Variants in KNOP1 observed in about 807,000 individuals in gnomAD.
The protein encoded by KNOP1 is lysine rich nucleolar protein 1.
In KNOP1, 20 loss-of-function variants were observed where a neutral mutation model predicts 30.6. The observed-to-expected ratio is 0.65, with a 90% CI of 0.46 to 0.95. The LOEUF is 0.95. Ranked by LOEUF, KNOP1 falls within the 40% of genes least tolerant of loss-of-function variation. The pLI is 0.00. For missense variants in KNOP1, 540 were observed against 562.0 expected (o/e 0.96, Z 0.40); for synonymous variants, 204 against 210.0 (o/e 0.97, Z 0.25).
In KNOP1 at chr16:19,714,767, G is replaced by A; in HGVS notation, c.269C>T (p.Ala90Val). 3 of 1,614,180 alleles carry A rather than the reference G, an allele frequency of 1.9e-6. 1 individual carries two copies. The highest frequency in any genetic ancestry group is 2.2e-5 in the South Asian group (2 of 91,074). Residue 90 changes from alanine (A) to valine (V), a missense_variant, in exon 2 of 5, where the codon GCT (alanine) becomes GTT (valine). By Grantham distance (64) the Ala-to-Val change is moderately conservative. Transcript: ENST00000219837. Reference protein sequence around the residue: ...EHVEPETTLPARRTEKSPSLR... With the variant: ...EHVEPETTLPVRRTEKSPSLR... ...GCTGGGTGACTTCTCTGTCCGTCTA[G>A]CAGGCAGCGTGGTCTCAGGTTCTAC...
At position 19,704,392 on chromosome 16, in the gene KNOP1, AC is replaced by A. The variant is rs1976279445; in HGVS notation, c.*2517del. ...GAGTCACCGCACCTGGCAGAGCACA[AC>A]CTTTTTAACAGAGCTAAGGCAGGCC... On this transcript the variant is annotated 3_prime_UTR_variant, in exon 5 of 5. Coordinates refer to ENST00000219837, the MANE Select transcript of KNOP1 (RefSeq NM_001012991.3). 1 of 152,186 alleles carries A rather than the reference AC, an allele frequency of 6.6e-6. No homozygotes were observed. The highest frequency in any genetic ancestry group is 6.5e-5 in the Admixed American group (1 of 15,272). 9.4% of individuals were successfully genotyped at this position (152,186 alleles called of 1,614,324 possible). A position where few individuals can be genotyped will look rare whatever the true frequency, so the allele number is the denominator to read the frequency against.
Position 19,714,174 on chromosome 16 carries a change from T to C in KNOP1, c.862A>G (p.Arg288Gly). The C allele has an allele frequency of 6.2e-7, 1 of 1,613,686 alleles. No individual in the cohort carries two copies. The highest frequency in any genetic ancestry group is 8.5e-7 in the Non-Finnish European group (1 of 1,179,962). The change falls in exon 2 of 5, where the codon AGG becomes GGG. Residue 288 changes from arginine (R) to glycine (G), a missense_variant. Arg to Gly is a moderately radical substitution (Grantham distance 125). Transcript: ENST00000219837. ...TCTTTCCTCTTCTTCTTTTTCTTCC[T>C]TTTCAGAGCTGGCTCCTCGATGACT... The part of the protein sequence containing the change: ...QPVIEEPALK[R>G]KKKKKRKESG...
At chr16:19,718,043 G>A (rs1012216180) in intron 1 of KNOP1, 115 bp downstream of exon 1, 2 of 1,397,424 alleles carry the variant, frequency 1.4e-6, no homozygotes, top group Non-Finnish European at 1.9e-6. Flanking sequence ...GACTGGAGGG[G>A]TCGGATTCAG....
rs754241226 is a variant in KNOP1 at position 19,710,496 on chromosome 16, G to A, written c.1065+13C>T. The A allele has an allele frequency of 2.5e-6, 4 of 1,613,078 alleles. No homozygotes were observed. In the Admixed American group the frequency reaches 6.7e-5, roughly 27 times the overall value. On this transcript the variant is annotated intron_variant, in intron 4 of 4. Transcript: ENST00000219837. ...CGTGCCACCTCCTCGCAGAGCCCTAGCCCCAAACTTACCGTCCACTTCCTG... is the reference window on the plus strand; with the variant it reads ...CGTGCCACCTCCTCGCAGAGCCCTAACCCCAAACTTACCGTCCACTTCCTG...
intron 3 of KNOP1, 149 bp from the exon 4 acceptor site, chr16:19,710,735 T>TA: frequency 1.5e-6 from 1 of 674,820 alleles, no homozygotes; most frequent in South Asian, 1.7e-5. Context: ...GCTGCTATCA[T>TA]AAGTATTCTC....
At chr16:19,712,280 T>C (rs537212130) in intron 2 of KNOP1, among the ~76,000 whole-genome samples, 130 of 152,078 alleles carry the variant, frequency 8.5e-4, no homozygotes, top group Non-Finnish European at 1.4e-3. Flanking sequence ...GCTGGGAAAA[T>C]CCTAGCAACC....
rs1976397386 is a variant in KNOP1 at position 19,707,012 on chromosome 16, G to A, written c.1275C>T (p.Ser425=). The A allele has an allele frequency of 6.2e-7, 1 of 1,614,034 alleles. No individual in the cohort carries two copies. The highest frequency in any genetic ancestry group is 1.3e-5 in the African/African-American group (1 of 74,948). The change falls in exon 5 of 5, where the codon AGC becomes AGT. Residue 425 remains serine, a synonymous_variant. Transcript: ENST00000219837. ...NLQRDYDRAM[S]WKYSRGAGLG... The stretch of plus-strand genomic sequence containing the variant: ...GGCCGGCTCCCCGGCTGTACTTCCA[G>A]CTCATGGCCCGGTCGTAGTCCCGCT...
intron 4 of KNOP1, among the ~76,000 whole-genome samples, chr16:19,707,473 G>T (rs566649354): frequency 6.6e-6 from 1 of 151,940 alleles, no homozygotes; most frequent in African/African-American, 2.4e-5. Context: ...AACCTAACTA[G>T]TGACCCCCAG....
chr16:19,715,472 T>C (rs1260255526), intron 1 of KNOP1: 1 of 150,296 alleles, frequency 6.7e-6, no homozygotes, highest in Non-Finnish European at 1.5e-5. Flanking sequence ...TGGAATGCAG[T>C]GGCGTGATCT....
chr16:19,717,279 A>T (rs1460320452), intron 1 of KNOP1: 1 of 978,836 alleles, frequency 1.0e-6, no homozygotes, highest in African/African-American at 1.8e-5. Context: ...ATAATGGGGG[A>T]GGGGGACTAT....
In KNOP1 at chr16:19,711,356, A is replaced by G. The variant is rs1976710386; in HGVS notation, c.987+16T>C. The G allele has an allele frequency of 6.2e-7, 1 of 1,613,386 alleles. No individual in the cohort carries two copies. The highest frequency in any genetic ancestry group is 1.7e-5 in the Admixed American group (1 of 60,024). On this transcript the variant is annotated intron_variant, in intron 3 of 4. Coordinates refer to ENST00000219837, the MANE Select transcript of KNOP1 (RefSeq NM_001012991.3). ...AGGAGGCAGCGGGAGGGGCCTGAGG[A>G]GGGTCTGGGCTGTACCTGGTCTATG...
rs1201793022 is a variant in KNOP1 at position 19,707,213 on chromosome 16, C to G, written c.1074G>C (p.Gln358His). 3 of 1,612,008 alleles carry G rather than the reference C, an allele frequency of 1.9e-6. No homozygotes were observed. In the South Asian group the frequency reaches 3.3e-5, roughly 18 times the overall value. ...ASETRKWTGT[Q>H]FGQWDTAGFE... Reference sequence around the variant, plus strand: ...AACCAGCAGTATCCCACTGGCCAAACTGGGTTCCCTGTGAGGAGAGGAAAA... The same window carrying G: ...AACCAGCAGTATCCCACTGGCCAAAGTGGGTTCCCTGTGAGGAGAGGAAAA... The change falls in exon 5 of 5, where the codon CAG becomes CAC. Residue 358 changes from glutamine to histidine, a missense_variant. By Grantham distance (24) the Gln-to-His change is conservative. Transcript: ENST00000219837.
rs887909403 is a variant in KNOP1, at chr16:19,703,565, T to G, written c.*3345A>C. 3.4e-5 allele frequency: 5 copies of G among 146,936 alleles called. No individual in the cohort carries two copies. The highest frequency in any genetic ancestry group is 9.9e-5 in the African/African-American group (4 of 40,226). The allele number at this position is 146,936 out of a possible 1,614,324, so 9.1% of individuals were successfully genotyped here. A position where few individuals can be genotyped will look rare whatever the true frequency, so the allele number is the denominator to read the frequency against. ...TGAGGACTGTGTCTATTTGGCAAAT[T>G]TTTTTTTTTTTTTGGAATGGGGTCT... On this transcript the variant is annotated 3_prime_UTR_variant, in exon 5 of 5. Transcript: ENST00000219837.
intron 1 of KNOP1, chr16:19,717,934 A>T: frequency 5.1e-6 from 6 of 1,168,164 alleles, no homozygotes; most frequent in Non-Finnish European, 6.4e-6. Flanking sequence ...AAGCCTCCGC[A>T]TCAACAGACT....
chr16:19,717,372 G>C (rs560768563), intron 1 of KNOP1: 6 of 985,146 alleles, frequency 6.1e-6, no homozygotes, highest in African/African-American at 1.7e-5. Context: ...GTAGTCAGGA[G>C]AGCCAAGACG....
chr16:19,706,967 G>A lies in KNOP1; in HGVS notation c.1320C>T (p.Pro440=). The A allele has an allele frequency of 6.2e-7, 1 of 1,613,558 alleles. No homozygotes were observed. Among genetic ancestry groups the A allele is most frequent in the Non-Finnish European group, 8.5e-7 (1 of 1,180,024 alleles). Residue 440 remains proline (P), a synonymous_variant, in exon 5 of 5, where the codon CCC becomes CCT. Transcript: ENST00000219837. ...RGAGLGFSTA[P]NKIFYIDRNA... ...TCCTGTCAATGTAAAAGATCTTGTTGGGGGCGGTGGAGAAGCCGAGGCCGG... is the reference window on the plus strand; with the variant it reads ...TCCTGTCAATGTAAAAGATCTTGTTAGGGGCGGTGGAGAAGCCGAGGCCGG...
intron 3 of KNOP1, among the ~76,000 whole-genome samples, chr16:19,710,890 G>A (rs1976678538): frequency 6.7e-6 from 1 of 148,466 alleles, no homozygotes; most frequent in South Asian, 2.2e-4. Flanking sequence ...CCAGCCTGGG[G>A]GACAGAGTGA....
At position 19,704,915 on chromosome 16, in the gene KNOP1, G is replaced by A. The variant is rs368692585; in HGVS notation, c.*1995C>T. Reference sequence around the variant, plus strand: ...GCCAGGGAAACTGCCTGAAGTGCCTGCCTCACCTCTGCCCAATGGGCAGCT... The same window carrying A: ...GCCAGGGAAACTGCCTGAAGTGCCTACCTCACCTCTGCCCAATGGGCAGCT... On this transcript the variant is annotated 3_prime_UTR_variant, in exon 5 of 5. Transcript: ENST00000219837. 4.8e-5 allele frequency: 14 copies of A among 294,184 alleles called. No homozygotes were observed. The East Asian group carries it at 1.0e-3, about 21-fold the overall frequency. The allele number at this position is 294,184 out of a possible 1,614,324, so 18.2% of individuals were successfully genotyped here. A position where few individuals can be genotyped will look rare whatever the true frequency, so the allele number is the denominator to read the frequency against.
At chr16:19,717,954 T>C in intron 1 of KNOP1, 1 of 1,234,360 alleles carries the variant, frequency 8.1e-7, no homozygotes. Context: ...TGGGAGGGAT[T>C]ACGTGGGGTC....
Sources: allele counts gnomAD v4.1 joint callset (sites outside exome capture counted in the v4.1 genomes callset), GRCh38; gene constraint gnomAD v4.1.1; transcripts MANE v1.5; gene names NCBI Gene and HGNC (gene_info 2026-07-23, HGNC 2026-07-21).